Variants in DOK6 observed in about 807,000 individuals in gnomAD.
DOK6 encodes the protein docking protein 6, also known as downstream of tyrosine kinase 6.
Under a neutral mutation model 44.0 loss-of-function variants are expected in DOK6, and 22 were observed. The ratio of observed to expected loss-of-function variants is 0.50; its 90% CI spans 0.36 to 0.71. DOK6 has a LOEUF of 0.71. Among genes scored for constraint, DOK6 ranks in the 30% least tolerant of loss-of-function variants. DOK6 has a pLI of 0.00. For synonymous variants in DOK6, 166 were observed against 145.5 expected, an observed-to-expected ratio of 1.14 and a Z score of -1.01; for missense variants, 340 against 416.4, an observed-to-expected ratio of 0.82 and a Z score of 1.60.
intron 7 of DOK6, among the ~76,000 whole-genome samples, chr18:69,787,243 T>C (rs1980459543): frequency 1.3e-5 from 2 of 152,044 alleles, no homozygotes; most frequent in South Asian, 4.2e-4. Flanking sequence ...AAAACAAAAC[T>C]TGATGAATTT....
chr18:69,747,597 C>T (rs1979030163), intron 6 of DOK6, among the ~76,000 whole-genome samples: 1 of 150,154 alleles, frequency 6.7e-6, no homozygotes, highest in African/African-American at 2.4e-5. Context: ...CGCTCCGCCC[C>T]CTCCCCCCCA....
chr18:69,799,173 G>A lies in DOK6; in HGVS notation c.856+41300G>A, dbSNP rs571824471. ...TATACTGACCTATAAGAAAAAAAATGGAGTCGTGAGCTAAAAGGAAATACT... is the reference window on the plus strand; with the variant it reads ...TATACTGACCTATAAGAAAAAAAATAGAGTCGTGAGCTAAAAGGAAATACT... On this transcript the variant is annotated intron_variant, in intron 7 of 7. Coordinates refer to ENST00000382713, the MANE Select transcript of DOK6 (RefSeq NM_152721.6). Among the ~76,000 whole-genome samples, 32 of 152,060 alleles carry A rather than the reference G, an allele frequency of 2.1e-4. No individual in the cohort carries two copies. The South Asian group carries it at 6.4e-3, about 31-fold the overall frequency.
chr18:69,683,830 A>G (rs1231716935), intron 4 of DOK6, among the ~76,000 whole-genome samples: 1 of 152,228 alleles, frequency 6.6e-6, no homozygotes, highest in Non-Finnish European at 1.5e-5. Context: ...ACATTAGTAA[A>G]GCTGTTGAGA....
rs557182308 is a variant in DOK6, at chr18:69,606,446, A to G, written c.289+6948A>G. On this transcript the variant is annotated intron_variant, in intron 3 of 7. Coordinates refer to ENST00000382713, the MANE Select transcript of DOK6 (RefSeq NM_152721.6). ...TTATGAAAAGCCCACAGCTAACATC[A>G]TAATCCATGAATAAAAACTGAAAGC... Among the ~76,000 whole-genome samples, 3 of 152,272 alleles carry G rather than the reference A, an allele frequency of 2.0e-5. No homozygotes were observed. The South Asian group carries it at 6.2e-4, about 32-fold the overall frequency.
intron 3 of DOK6, among the ~76,000 whole-genome samples, chr18:69,640,675 A>T (rs957132860): frequency 2.0e-5 from 3 of 152,172 alleles, no homozygotes; most frequent in Admixed American, 2.0e-4. Context: ...TTTTTGTACG[A>T]TCATGATCCC....
At chr18:69,597,836 C>T (rs1289050097) in intron 2 of DOK6, among the ~76,000 whole-genome samples, 2 of 152,236 alleles carry the variant, frequency 1.3e-5, no homozygotes, top group Non-Finnish European at 2.9e-5. Flanking sequence ...CAAATGACCA[C>T]AGATGTGCCA....
At chr18:69,542,086 A>G (rs1009088237) in intron 1 of DOK6, among the ~76,000 whole-genome samples, 9 of 151,562 alleles carry the variant, frequency 5.9e-5, no homozygotes, top group Admixed American at 2.0e-4. Flanking sequence ...TTAGGCAGTT[A>G]GAATTTACCT....
intron 6 of DOK6, among the ~76,000 whole-genome samples, chr18:69,742,568 AAATT>A (rs1270263377): frequency 6.6e-6 from 1 of 152,232 alleles, no homozygotes; most frequent in Non-Finnish European, 1.5e-5. Context: ...GAAGAATAAA[AAATT>A]AATATTAACT....
At chr18:69,516,735 G>T (rs1034713461) in intron 1 of DOK6, among the ~76,000 whole-genome samples, 3 of 151,766 alleles carry the variant, frequency 2.0e-5, no homozygotes, top group African/African-American at 7.3e-5. Context: ...GAGTGCAGTG[G>T]CACGATCTTG....
At chr18:69,725,278 C>T (rs1346557852) in intron 5 of DOK6, among the ~76,000 whole-genome samples, 1 of 152,068 alleles carries the variant, frequency 6.6e-6, no homozygotes, top group African/African-American at 2.4e-5. Flanking sequence ...GGGCAGAGCG[C>T]CTTGCATGCA....
chr18:69,774,873 C>T (rs1395976336), intron 7 of DOK6, among the ~76,000 whole-genome samples: 1 of 151,654 alleles, frequency 6.6e-6, no homozygotes, highest in African/African-American at 2.4e-5. Flanking sequence ...CATTGAGTTC[C>T]AGCATGAAAA....
chr18:69,769,340 C>T (rs978414379), intron 7 of DOK6, among the ~76,000 whole-genome samples: 11 of 151,986 alleles, frequency 7.2e-5, no homozygotes, highest in Non-Finnish European at 1.3e-4. Context: ...AGTTTCCTCT[C>T]TAGTGTATAT....
intron 3 of DOK6, among the ~76,000 whole-genome samples, chr18:69,673,646 CTTA>C (rs1255322507): frequency 2.0e-5 from 3 of 152,190 alleles, no homozygotes; most frequent in South Asian, 2.1e-4. Flanking sequence ...CTCCATTTGT[CTTA>C]TTATTCCCAA....
rs1982349500 is a variant in DOK6 at position 69,846,601 on chromosome 18, A to G, written c.*5218A>G. 2 of 152,342 alleles carry G rather than the reference A, an allele frequency of 1.3e-5. No individual in the cohort carries two copies. The highest frequency in any genetic ancestry group is 4.1e-4 in the South Asian group (2 of 4,824). 9.4% of individuals were successfully genotyped at this position (152,342 alleles called of 1,614,324 possible). A position where few individuals can be genotyped will look rare whatever the true frequency, so the allele number is the denominator to read the frequency against. On this transcript the variant is annotated 3_prime_UTR_variant, in exon 8 of 8. Transcript: ENST00000382713. ...TTTATTTACTCATATATTGTCATCC[A>G]GTTCTTTGAAATTCAATCTTATCCT...
intron 6 of DOK6, among the ~76,000 whole-genome samples, chr18:69,752,686 C>T (rs1393690879): frequency 6.6e-6 from 1 of 152,172 alleles, no homozygotes; most frequent in African/African-American, 2.4e-5. Context: ...ACCAGCCCTG[C>T]TTCCCTTGCC....
At chr18:69,434,967 GGAAGGAAGGAAGGAAA>G (rs1978916611) in intron 1 of DOK6, among the ~76,000 whole-genome samples, 2 of 142,416 alleles carry the variant, frequency 1.4e-5, no homozygotes, top group East Asian at 2.1e-4. Flanking sequence ...AAGGAAGGAA[GGAAGGAAGGAAGGAAA>G]GAAGGAAGGA....
chr18:69,672,582 T>A (rs1000690940), intron 3 of DOK6, among the ~76,000 whole-genome samples: 7 of 152,014 alleles, frequency 4.6e-5, no homozygotes, highest in Non-Finnish European at 8.8e-5. Flanking sequence ...GGTCTCAAAC[T>A]CCTGATCTCA....
At chr18:69,647,170 C>T (rs183659876) in intron 3 of DOK6, among the ~76,000 whole-genome samples, 30 of 152,222 alleles carry the variant, frequency 2.0e-4, no homozygotes, top group African/African-American at 7.0e-4. Flanking sequence ...ATCCATCTAT[C>T]CTATCCATCT....
rs771444179 is a variant in DOK6 at position 69,599,538 on chromosome 18, G to GCT, written c.289+41_289+42dup. ...GCCATCTACCCCTTGAGGAAATTGA[G>GCT]CTGCTTGTGAGACAATGGCCCAGGC... is the stretch of plus-strand genomic sequence containing the variant. On this transcript the variant is annotated intron_variant, in intron 3 of 7. Coordinates refer to ENST00000382713, the MANE Select transcript of DOK6 (RefSeq NM_152721.6). 1.5e-5 allele frequency: 23 copies of GCT among 1,553,928 alleles called. No individual in the cohort carries two copies. In the South Asian group the frequency reaches 2.5e-4, roughly 17 times the overall value.
Sources: gnomAD v4.1 joint callset for allele counts (sites outside exome capture counted in the v4.1 genomes callset) on GRCh38, gnomAD v4.1.1 for gene constraint, MANE v1.5 for transcripts, NCBI Gene and HGNC (gene_info 2026-07-23, HGNC 2026-07-21) for gene names.